TDP1: variants seen among roughly 807,000 people sequenced by gnomAD.
TDP1 encodes the protein tyr-DNA phosphodiesterase 1.
TDP1 carries 64 observed loss-of-function variants against 81.5 expected under a neutral mutation model. The ratio of observed to expected loss-of-function variants is 0.79; its 90% CI spans 0.64 to 0.97. The LOEUF is 0.97. Among genes scored for constraint, TDP1 ranks in the 50% least tolerant of loss-of-function variants. The pLI is 0.00. For missense variants in TDP1, 723 were observed against 743.8 expected (o/e 0.97, Z 0.33); for synonymous variants, 256 against 264.3 (o/e 0.97, Z 0.30).
chr14:90,035,872 C>G (rs188343111), intron 16 of TDP1, among the ~76,000 whole-genome samples: 59 of 152,088 alleles, frequency 3.9e-4, no homozygotes, highest in African/African-American at 1.3e-3. Flanking sequence ...GATTCCACCC[C>G]CTTCATTTCT....
At chr14:90,020,693 AACAC>A (rs1374182703) in intron 15 of TDP1, among the ~76,000 whole-genome samples, 3 of 137,322 alleles carry the variant, frequency 2.2e-5, no homozygotes, top group Non-Finnish European at 4.6e-5. Context: ...ATTTATGACA[AACAC>A]ACATGACAAA....
intron 14 of TDP1, 62 bp downstream of exon 14, chr14:89,993,545 T>C (rs1227364914): frequency 6.3e-7 from 1 of 1,580,030 alleles, no homozygotes; most frequent in Non-Finnish European, 8.6e-7. Flanking sequence ...ATTCTTGCTC[T>C]GAATGTTGAA....
chr14:89,967,373 TA>T lies in TDP1; in HGVS notation c.611del (p.Tyr204SerfsTer9). ...CTTCTTTTCTCCCATCTAGTTTAAC[TA>T]CTGCTTTGACGTGGACTGGCTCGTA... is the stretch of plus-strand genomic sequence containing the variant. ...GTLVSSAQFN[Y>X]CFDVDWLVKQ... On this transcript the variant is annotated frameshift_variant, in exon 5 of 17. Transcript: ENST00000335725. LOFTEE classifies it high-confidence loss of function. 1 of 1,614,088 alleles carries T rather than the reference TA, an allele frequency of 6.2e-7. No individual in the cohort carries two copies. Among genetic ancestry groups the T allele is most frequent in the South Asian group, 1.1e-5 (1 of 91,086 alleles).
At chr14:90,011,849 A>G (rs1448367314) in intron 14 of TDP1, among the ~76,000 whole-genome samples, 1 of 152,260 alleles carries the variant, frequency 6.6e-6, no homozygotes, top group East Asian at 1.9e-4. Flanking sequence ...GCAACCTGAC[A>G]ATGCAATAGA....
At chr14:90,011,167 G>A (rs1884657373) in intron 14 of TDP1, among the ~76,000 whole-genome samples, 1 of 152,178 alleles carries the variant, frequency 6.6e-6, no homozygotes, top group Admixed American at 6.5e-5. Flanking sequence ...CTGCTGCCAT[G>A]ATTGTGAAGC....
chr14:89,979,554 C>T (rs1249067639), intron 7 of TDP1, among the ~76,000 whole-genome samples: 1 of 152,112 alleles, frequency 6.6e-6, no homozygotes, highest in Non-Finnish European at 1.5e-5. Flanking sequence ...GGTGATCTGC[C>T]AGCCTCAGCC....
In TDP1 at chr14:90,006,872, A is replaced by G. The variant is rs181653921; in HGVS notation, c.1542-12444A>G. Reference sequence around the variant, plus strand: ...GCTAATTTTTGTATTTTTCATAGAGATGGAGTTTTGAAATGTTGCTCAGGT... The same window carrying G: ...GCTAATTTTTGTATTTTTCATAGAGGTGGAGTTTTGAAATGTTGCTCAGGT... On this transcript the variant is annotated intron_variant, in intron 14 of 16. Coordinates refer to ENST00000335725, the MANE Select transcript of TDP1 (RefSeq NM_018319.4). Among the ~76,000 whole-genome samples the G allele has an allele frequency of 6.1e-4, 93 of 151,912 alleles. 2 individuals carry two copies. In the East Asian group the frequency reaches 0.016, roughly 26 times the overall value.
At chr14:90,018,633 T>C (rs1885599315) in intron 14 of TDP1, among the ~76,000 whole-genome samples, 6 of 152,116 alleles carry the variant, frequency 3.9e-5, no homozygotes, top group Admixed American at 3.9e-4. Flanking sequence ...GCTAATGTTT[T>C]TTAGAAATGT....
intron 7 of TDP1, among the ~76,000 whole-genome samples, chr14:89,978,838 A>G (rs923143292): frequency 6.6e-5 from 10 of 152,242 alleles, no homozygotes; most frequent in African/African-American, 2.4e-4. Flanking sequence ...TCACAAATGG[A>G]AAGAAGATGG....
chr14:90,030,606 C>T (rs1887166283), intron 15 of TDP1, among the ~76,000 whole-genome samples: 1 of 152,156 alleles, frequency 6.6e-6, no homozygotes, highest in South Asian at 2.1e-4. Context: ...ACAGGTTGTG[C>T]CATTTGCTCT....
chr14:89,956,303 G>C (rs1025444592), intron 1 of TDP1: 1 of 152,348 alleles, frequency 6.6e-6, no homozygotes, highest in African/African-American at 2.4e-5. Flanking sequence ...AAAGTGAGTA[G>C]GAAAGCGCCC....
In TDP1 at chr14:89,986,476, T is replaced by C. The variant is rs146416395; in HGVS notation, c.1131+1266T>C. On this transcript the variant is annotated intron_variant, in intron 10 of 16. Coordinates refer to ENST00000335725, the MANE Select transcript of TDP1 (RefSeq NM_018319.4). ...CAGTTGTTTGTGGACAAATGTCTAATGGTTTAGATAGGCTAGATAATAGCA... is the reference window on the plus strand; with the variant it reads ...CAGTTGTTTGTGGACAAATGTCTAACGGTTTAGATAGGCTAGATAATAGCA... Among the ~76,000 whole-genome samples, 310 of 152,372 alleles carry C rather than the reference T, an allele frequency of 2.0e-3. 1 individual carries two copies. Among genetic ancestry groups the C allele is most frequent in the African/African-American group, 7.3e-3 (302 of 41,588 alleles).
intron 15 of TDP1, among the ~76,000 whole-genome samples, chr14:90,027,569 T>G (rs1345723139): frequency 6.6e-6 from 1 of 152,208 alleles, no homozygotes; most frequent in Non-Finnish European, 1.5e-5. Context: ...TACTGCTCTT[T>G]GTCTCAGAGA....
chr14:90,032,922 G>A, intron 15 of TDP1, 184 bp from the exon 16 acceptor site: 2 of 944,086 alleles, frequency 2.1e-6, no homozygotes, highest in Non-Finnish European at 2.5e-6. Context: ...TGTTTAGAAA[G>A]GAAAATAATT....
At chr14:90,035,580 C>T (rs1175627034) in intron 16 of TDP1, among the ~76,000 whole-genome samples, 2 of 152,050 alleles carry the variant, frequency 1.3e-5, no homozygotes, top group African/African-American at 4.8e-5. Context: ...TTTAGTGTGT[C>T]TGTCTACACA....
intron 14 of TDP1, among the ~76,000 whole-genome samples, chr14:90,004,746 CATT>C (rs1897505090): frequency 6.6e-6 from 1 of 152,228 alleles, no homozygotes; most frequent in African/African-American, 2.4e-5. Context: ...GGCACAGAAA[CATT>C]ATTGCAGGAG....
At chr14:90,042,952 A>G in intron 16 of TDP1, 118 bp from the exon 17 acceptor site, 1 of 1,567,816 alleles carries the variant, frequency 6.4e-7, no homozygotes, top group South Asian at 1.2e-5. Flanking sequence ...GGCTTGGTTC[A>G]GAAAATACTC....
intron 14 of TDP1, among the ~76,000 whole-genome samples, chr14:90,017,548 A>C (rs772448651): frequency 6.6e-6 from 1 of 152,208 alleles, no homozygotes; most frequent in Non-Finnish European, 1.5e-5. Flanking sequence ...ATAAGCCCTC[A>C]AATCTTGGAA....
chr14:89,984,646 A>C lies in TDP1; in HGVS notation c.1015A>C (p.Ile339Leu). Residue 339 changes from isoleucine to leucine, a missense_variant, in exon 9 of 17, where the codon ATA (isoleucine) becomes CTA (leucine). By Grantham distance (5) the Ile-to-Leu change is conservative. Transcript: ENST00000335725. Reference protein sequence around the residue: ...AYNAPSLKEWIDVIHKHDLSE... With the variant: ...AYNAPSLKEWLDVIHKHDLSE... ...TAATGCCCCTTCTCTCAAGGAGTGG[A>C]TAGATGTCATTCACAAGCACGATCT... The C allele has an allele frequency of 6.2e-7, 1 of 1,614,080 alleles. No homozygotes were observed. The highest frequency in any genetic ancestry group is 1.1e-5 in the South Asian group (1 of 91,088).
Sources: gnomAD v4.1 joint callset for allele counts (sites outside exome capture counted in the v4.1 genomes callset) on GRCh38, gnomAD v4.1.1 for gene constraint, MANE v1.5 for transcripts, NCBI Gene and HGNC (gene_info 2026-07-23, HGNC 2026-07-21) for gene names.